SORCS2: variants seen among roughly 807,000 people sequenced by gnomAD.
SORCS2 encodes the protein VPS10 domain-containing receptor SorCS2.
In SORCS2, 100 loss-of-function variants were observed where a neutral mutation model predicts 141.6. The observed-to-expected ratio is 0.71, with a 90% confidence interval of 0.60 to 0.83. SORCS2 has a LOEUF of 0.83. Ranked by LOEUF, SORCS2 falls within the 40% of genes least tolerant of loss-of-function variation. SORCS2 has a pLI of 0.00. For missense variants in SORCS2, 1,646 were observed against 1,560.2 expected (o/e 1.05, Z -0.93); for synonymous variants, 789 against 676.9 (o/e 1.17, Z -2.57).
intron 19 of SORCS2, 57 bp from the exon 20 acceptor site, chr4:7,725,097 T>C: frequency 6.4e-7 from 1 of 1,566,496 alleles, no homozygotes; most frequent in Non-Finnish European, 8.7e-7. Context: ...CTAAGCAGCC[T>C]CTGAAATGCC....
intron 3 of SORCS2, among the ~76,000 whole-genome samples, chr4:7,634,043 G>T (rs1720070190): frequency 8.3e-6 from 1 of 120,824 alleles, no homozygotes; most frequent in Admixed American, 9.1e-5. Flanking sequence ...CCTTCTTCCT[G>T]GTTATCCAGG....
At chr4:7,551,088 C>T (rs1713663336) in intron 3 of SORCS2, among the ~76,000 whole-genome samples, 2 of 152,228 alleles carry the variant, frequency 1.3e-5, no homozygotes, top group Admixed American at 1.3e-4. Flanking sequence ...CCTAGAAGTT[C>T]TGCCTAGCCC....
At chr4:7,348,214 C>T (rs542204805) in intron 1 of SORCS2, among the ~76,000 whole-genome samples, 5 of 152,216 alleles carry the variant, frequency 3.3e-5, no homozygotes, top group African/African-American at 1.2e-4. Context: ...AATTACTCAC[C>T]ATTAACTCTA....
At chr4:7,721,701 C>G (rs991759144) in intron 18 of SORCS2, among the ~76,000 whole-genome samples, 2 of 152,186 alleles carry the variant, frequency 1.3e-5, no homozygotes, top group African/African-American at 4.8e-5. Flanking sequence ...CTGCAAAGGG[C>G]ACCCGGTGGG....
At chr4:7,538,469 G>A (rs764131126) in intron 3 of SORCS2, among the ~76,000 whole-genome samples, 1 of 152,168 alleles carries the variant, frequency 6.6e-6, no homozygotes, top group Non-Finnish European at 1.5e-5. Context: ...GTGAAGGCAC[G>A]GCCCAGAGGA....
At chr4:7,351,931 T>C (rs1200847586) in intron 1 of SORCS2, among the ~76,000 whole-genome samples, 2 of 152,106 alleles carry the variant, frequency 1.3e-5, no homozygotes, top group Admixed American at 1.3e-4. Flanking sequence ...CAGCCACTCA[T>C]CTATCCATTC....
chr4:7,721,392 G>A (rs952378216), intron 18 of SORCS2, among the ~76,000 whole-genome samples: 3 of 152,128 alleles, frequency 2.0e-5, no homozygotes, highest in Non-Finnish European at 4.4e-5. Flanking sequence ...CTTGAACCTG[G>A]GAGTCGGAGG....
rs369480075 is a variant in SORCS2, at chr4:7,717,992, A to T, written c.2253-20A>T. The T allele has an allele frequency of 2.5e-6, 4 of 1,586,040 alleles. No homozygotes were observed. The South Asian group carries it at 4.6e-5, about 18-fold the overall frequency. On this transcript the variant is annotated intron_variant, in intron 17 of 26. Coordinates refer to ENST00000507866, the MANE Select transcript of SORCS2 (RefSeq NM_020777.3). ...TGCCACCTGTCTGAAGCGGACCCTG[A>T]CCCTCTCTTGTCAATCCAGGTACCG...
At chr4:7,596,703 G>T (rs1717298062) in intron 3 of SORCS2, among the ~76,000 whole-genome samples, 1 of 152,144 alleles carries the variant, frequency 6.6e-6, no homozygotes, top group Admixed American at 6.5e-5. Flanking sequence ...GGCAGGGCGA[G>T]GGTGGAAGTT....
intron 1 of SORCS2, among the ~76,000 whole-genome samples, chr4:7,387,480 CACAT>C (rs1370247417): frequency 1.5e-4 from 23 of 149,868 alleles, no homozygotes; most frequent in East Asian, 5.9e-4. Flanking sequence ...GATACACATG[CACAT>C]ACATACACAT....
At chr4:7,203,689 A>G (rs1727592420) in intron 1 of SORCS2, among the ~76,000 whole-genome samples, 1 of 152,228 alleles carries the variant, frequency 6.6e-6, no homozygotes, top group African/African-American at 2.4e-5. Flanking sequence ...CACTGTTTTA[A>G]TGCTTTTTCA....
chr4:7,553,501 T>C (rs1713877762), intron 3 of SORCS2, among the ~76,000 whole-genome samples: 7 of 152,380 alleles, frequency 4.6e-5, no homozygotes, highest in Admixed American at 3.9e-4. Flanking sequence ...ATCTGCAGAC[T>C]GAGATAAAGG....
rs535910807 is a variant in SORCS2 at position 7,443,314 on chromosome 4, G to A, written c.548+46959G>A. On this transcript the variant is annotated intron_variant, in intron 2 of 26. Coordinates refer to ENST00000507866, the MANE Select transcript of SORCS2 (RefSeq NM_020777.3). ...CCTTGGCCCTAAGAAGTCTGGAAGG[G>A]GAGGCCACCTGTGGTGCACAGCATC... Among the ~76,000 whole-genome samples, 6 of 152,270 alleles carry A rather than the reference G, an allele frequency of 3.9e-5. No individual in the cohort carries two copies. In the South Asian group the frequency reaches 1.2e-3, roughly 32 times the overall value.
intron 4 of SORCS2, among the ~76,000 whole-genome samples, chr4:7,639,861 G>T (rs938067475): frequency 8.7e-5 from 13 of 148,792 alleles, no homozygotes; most frequent in African/African-American, 3.2e-4. Flanking sequence ...GAGGGTGTGT[G>T]TGATTGCGTG....
At chr4:7,555,411 A>G (rs1207463058) in intron 3 of SORCS2, among the ~76,000 whole-genome samples, 1 of 152,252 alleles carries the variant, frequency 6.6e-6, no homozygotes, top group Non-Finnish European at 1.5e-5. Flanking sequence ...TAGCCTGTGC[A>G]GGAGCACAAA....
rs115026659 is a variant in SORCS2, at chr4:7,550,529, G to A, written c.648+18900G>A. The stretch of plus-strand genomic sequence containing the variant: ...GAAAGGGGTTTTCTTGGAAAGACAT[G>A]AGATAGAATTGAAAACAGGTGTGTC... On this transcript the variant is annotated intron_variant, in intron 3 of 26. Coordinates refer to ENST00000507866, the MANE Select transcript of SORCS2 (RefSeq NM_020777.3). Among the ~76,000 whole-genome samples, 972 of 152,334 alleles carry A rather than the reference G, an allele frequency of 6.4e-3. 10 individuals are homozygous for A. The highest frequency in any genetic ancestry group is 0.021 in the African/African-American group (889 of 41,578).
intron 2 of SORCS2, among the ~76,000 whole-genome samples, chr4:7,457,953 G>A (rs1023783826): frequency 3.9e-5 from 6 of 151,928 alleles, no homozygotes; most frequent in African/African-American, 7.3e-5. Context: ...GGGCAGGGAC[G>A]TCCACACTGT....
intron 3 of SORCS2, among the ~76,000 whole-genome samples, chr4:7,606,542 G>A (rs1452097736): frequency 3.9e-5 from 6 of 152,048 alleles, no homozygotes; most frequent in African/African-American, 9.6e-5. Context: ...GTCAGATGTC[G>A]GGCTGCTAAG....
chr4:7,467,796 C>T (rs531483958), intron 2 of SORCS2, among the ~76,000 whole-genome samples: 1 of 152,346 alleles, frequency 6.6e-6, no homozygotes, highest in East Asian at 1.9e-4. Flanking sequence ...GCTGTGGCTC[C>T]CGGAGCCGGT....
Sources: allele counts gnomAD v4.1 joint callset (sites outside exome capture counted in the v4.1 genomes callset), GRCh38; gene constraint gnomAD v4.1.1; transcripts MANE v1.5; gene names NCBI Gene and HGNC (gene_info 2026-07-23, HGNC 2026-07-21).